The following CA8 variants were observed in gnomAD, a reference collection of about 807,000 sequenced individuals.
CA8 encodes the protein carbonic anhydrase-related protein.
A neutral mutation model predicts 41.4 loss-of-function variants in CA8; 22 were observed. That is an observed-to-expected ratio of 0.53 (90% CI 0.38 to 0.76). CA8 has a LOEUF of 0.76. Ranked by LOEUF, CA8 falls within the 30% of genes least tolerant of loss-of-function variation. The probability of loss-of-function intolerance (pLI) is 0.00; values close to 1 mark genes in which losing one functional copy is unlikely to be tolerated. For missense variants in CA8, 270 were observed against 352.8 expected (o/e 0.77, Z 1.88); for synonymous variants, 121 against 130.6 (o/e 0.93, Z 0.50).
chr8:60,226,291 G>A (rs1305918234), intron 5 of CA8, among the ~76,000 whole-genome samples: 1 of 140,184 alleles, frequency 7.1e-6, no homozygotes, highest in East Asian at 2.0e-4. Flanking sequence ...TCTGAGCTTG[G>A]AATATTCTAC....
chr8:60,281,026 AC>A (rs1804403615), intron 1 of CA8, 21 bp downstream of exon 1: 1 of 1,564,978 alleles, frequency 6.4e-7, no homozygotes, highest in Non-Finnish European at 8.8e-7. Context: ...GACCCCGGAC[AC>A]CCCGACTCGC....
chr8:60,201,623 T>C (rs1229232862), intron 8 of CA8, among the ~76,000 whole-genome samples: 1 of 152,210 alleles, frequency 6.6e-6, no homozygotes, highest in Non-Finnish European at 1.5e-5. Flanking sequence ...ACATTCCTTT[T>C]GTTGCATCAC....
chr8:60,219,777 G>A (rs1807172531), intron 7 of CA8, among the ~76,000 whole-genome samples: 1 of 151,908 alleles, frequency 6.6e-6, no homozygotes, highest in Non-Finnish European at 1.5e-5. Context: ...GTGTCAACCA[G>A]GCAAAGGTTT....
intron 2 of CA8, among the ~76,000 whole-genome samples, chr8:60,278,758 A>C (rs1804319203): frequency 6.6e-6 from 1 of 152,242 alleles, no homozygotes; most frequent in Admixed American, 6.5e-5. Flanking sequence ...AATGAATAAA[A>C]TAAATCCATA....
intron 8 of CA8, among the ~76,000 whole-genome samples, chr8:60,192,190 C>T (rs745871453): frequency 6.7e-6 from 1 of 148,666 alleles, no homozygotes; most frequent in Admixed American, 6.7e-5. Flanking sequence ...CTGCAAATAC[C>T]AGATTAACTG....
chr8:60,242,851 T>G (rs1436901759), intron 3 of CA8, among the ~76,000 whole-genome samples: 1 of 152,204 alleles, frequency 6.6e-6, no homozygotes, highest in East Asian at 1.9e-4. Flanking sequence ...CACTGAAAGG[T>G]CTAGCGCCCC....
intron 3 of CA8, among the ~76,000 whole-genome samples, chr8:60,248,108 T>TA (rs1195842449): frequency 2.0e-5 from 3 of 152,136 alleles, no homozygotes; most frequent in African/African-American, 4.8e-5. Flanking sequence ...TTTTTTTTTT[T>TA]ACCTTGTAAA....
At chr8:60,247,655 T>C (rs536444547) in intron 3 of CA8, among the ~76,000 whole-genome samples, 2 of 152,352 alleles carry the variant, frequency 1.3e-5, no homozygotes, top group East Asian at 1.9e-4. Flanking sequence ...CAGTCTTTCA[T>C]TGATGGGTAT....
intron 7 of CA8, among the ~76,000 whole-genome samples, chr8:60,213,852 C>G (rs938355999): frequency 6.6e-6 from 1 of 152,014 alleles, no homozygotes; most frequent in Non-Finnish European, 1.5e-5. Flanking sequence ...CCTAGCGCTG[C>G]CCTTCACACG....
intron 3 of CA8, among the ~76,000 whole-genome samples, chr8:60,243,055 C>G (rs1354874716): frequency 6.6e-6 from 1 of 152,202 alleles, no homozygotes; most frequent in African/African-American, 2.4e-5. Flanking sequence ...CTGTGAAAAA[C>G]TGAAGAATTG....
intron 8 of CA8, among the ~76,000 whole-genome samples, chr8:60,195,694 A>T (rs1335379597): frequency 1.3e-5 from 2 of 152,156 alleles, no homozygotes; most frequent in Admixed American, 1.3e-4. Context: ...CTAGGCTGTG[A>T]GCTATGTCAG....
chr8:60,211,261 A>G (rs1806825856), intron 7 of CA8, among the ~76,000 whole-genome samples: 1 of 152,262 alleles, frequency 6.6e-6, no homozygotes, highest in Admixed American at 6.5e-5. Flanking sequence ...CTTCTATTGC[A>G]CAACTTCTTT....
chr8:60,230,668 G>A (rs1201997355), intron 4 of CA8, among the ~76,000 whole-genome samples: 1 of 148,108 alleles, frequency 6.8e-6, no homozygotes, highest in Non-Finnish European at 1.5e-5. Context: ...CTGAGAATTT[G>A]CACACAGATA....
At position 60,279,686 on chromosome 8, in the gene CA8, T is replaced by C; in HGVS notation, c.292+3A>G. The C allele has an allele frequency of 6.2e-7, 1 of 1,612,940 alleles. No homozygotes were observed. The highest frequency in any genetic ancestry group is 8.5e-7 in the Non-Finnish European group (1 of 1,178,896). ...GACCACACAAACATATTTTCTAAAA[T>C]ACCTGATTTTGACTTCAGGATAACC... On this transcript the variant is annotated splice_donor_region_variant and intron_variant, in intron 2 of 8. Coordinates refer to ENST00000317995, the MANE Select transcript of CA8 (RefSeq NM_004056.6).
chr8:60,261,869 A>G (rs1803744385), intron 3 of CA8, among the ~76,000 whole-genome samples: 1 of 151,616 alleles, frequency 6.6e-6, no homozygotes, highest in South Asian at 2.1e-4. Context: ...CCGTCACCAC[A>G]CCCGGCTAAT....
chr8:60,227,831 G>A (rs956173922), intron 4 of CA8, among the ~76,000 whole-genome samples: 6 of 152,014 alleles, frequency 3.9e-5, no homozygotes, highest in African/African-American at 1.5e-4. Context: ...TATTATTAGT[G>A]TATAAAATGC....
At chr8:60,229,020 A>G (rs541560382) in intron 4 of CA8, among the ~76,000 whole-genome samples, 1 of 152,254 alleles carries the variant, frequency 6.6e-6, no homozygotes, top group African/African-American at 2.4e-5. Context: ...CAGATAACAC[A>G]ACCTGGTACC....
intron 8 of CA8, among the ~76,000 whole-genome samples, chr8:60,207,658 T>C (rs553707692): frequency 3.3e-5 from 5 of 152,232 alleles, no homozygotes; most frequent in Admixed American, 2.0e-4. Context: ...TTCTATTTCA[T>C]ATACATCAAC....
At chr8:60,210,629 T>C (rs568875303) in intron 7 of CA8, among the ~76,000 whole-genome samples, 10 of 151,890 alleles carry the variant, frequency 6.6e-5, no homozygotes, top group African/African-American at 2.4e-4. Context: ...TTTTTTTTTT[T>C]CTCTCTGTAC....
Sources: gnomAD v4.1 joint callset for allele counts (sites outside exome capture counted in the v4.1 genomes callset) on GRCh38, gnomAD v4.1.1 for gene constraint, MANE v1.5 for transcripts, NCBI Gene and HGNC (gene_info 2026-07-23, HGNC 2026-07-21) for gene names.